The following CPQ variants were observed in gnomAD, a reference collection of about 807,000 sequenced individuals.
The protein encoded by CPQ is Ser-Met dipeptidase.
Under a neutral mutation model 45.7 loss-of-function variants are expected in CPQ, and 37 were observed. The observed-to-expected ratio is 0.81, with a 90% CI of 0.62 to 1.07. The LOEUF (loss-of-function observed/expected upper bound fraction) is 1.07, where lower values mean the gene tolerates loss of function less well. Among genes scored for constraint, CPQ ranks in the 50% least tolerant of loss-of-function variants. CPQ has a pLI of 0.00. For missense variants in CPQ, 537 were observed against 572.9 expected, an observed-to-expected ratio of 0.94 and a Z score of 0.64; for synonymous variants, 186 against 205.8, an observed-to-expected ratio of 0.90 and a Z score of 0.82.
At chr8:96,957,654 C>A (rs1813377101) in intron 4 of CPQ, among the ~76,000 whole-genome samples, 1 of 151,906 alleles carries the variant, frequency 6.6e-6, no homozygotes, top group Non-Finnish European at 1.5e-5. Flanking sequence ...CAAAAATTAG[C>A]CAGGCCTGGT....
At chr8:96,806,165 T>A (rs1043591793) in intron 2 of CPQ, among the ~76,000 whole-genome samples, 11 of 152,168 alleles carry the variant, frequency 7.2e-5, no homozygotes, top group Non-Finnish European at 1.6e-4. Context: ...TGGTGGGCAA[T>A]ATAGGTTTGG....
At chr8:96,695,467 G>T (rs1379670456) in intron 1 of CPQ, among the ~76,000 whole-genome samples, 3 of 151,550 alleles carry the variant, frequency 2.0e-5, no homozygotes, top group Admixed American at 6.6e-5. Context: ...AAGAGCTTCT[G>T]CACAGCAAAA....
At chr8:96,693,258 G>A (rs112374645) in intron 1 of CPQ, among the ~76,000 whole-genome samples, 3,686 of 151,986 alleles carry the variant, frequency 0.024, 164 homozygotes, top group African/African-American at 0.084. Context: ...GGGTAGGGAG[G>A]GGGGAGAGAG....
At chr8:97,023,333 G>T (rs1005004183) in intron 5 of CPQ, among the ~76,000 whole-genome samples, 3 of 151,990 alleles carry the variant, frequency 2.0e-5, no homozygotes, top group Non-Finnish European at 2.9e-5. Context: ...GGGAAAGGGT[G>T]GGAAGGAGTT....
intron 1 of CPQ, among the ~76,000 whole-genome samples, chr8:96,709,367 A>T (rs1809577986): frequency 6.6e-6 from 1 of 151,892 alleles, no homozygotes; most frequent in Non-Finnish European, 1.5e-5. Flanking sequence ...TCTATTCCTG[A>T]GTTACTTTAC....
chr8:96,945,856 C>T (rs897771558), intron 4 of CPQ, among the ~76,000 whole-genome samples: 4 of 152,180 alleles, frequency 2.6e-5, no homozygotes, highest in Admixed American at 6.5e-5. Flanking sequence ...GTTCTCCACA[C>T]TATTAGTTTG....
chr8:96,771,102 T>A lies in CPQ; in HGVS notation c.-34-13762T>A, dbSNP rs113234920. On this transcript the variant is annotated intron_variant, in intron 1 of 7. Coordinates refer to ENST00000220763, the MANE Select transcript of CPQ (RefSeq NM_016134.4). Reference sequence around the variant, plus strand: ...GCAATATATATATATTATATATATATAAATATATATATTTATATATTTTAA... The same window carrying A: ...GCAATATATATATATTATATATATAAAAATATATATATTTATATATTTTAA... Among the ~76,000 whole-genome samples, 1,379 of 144,126 alleles carry A rather than the reference T, an allele frequency of 9.6e-3. 22 individuals carry two copies. The highest frequency in any genetic ancestry group is 0.033 in the African/African-American group (1,297 of 38,956). The allele number at this position is 144,126 out of a possible 152,430, so 94.6% of individuals were successfully genotyped here.
At chr8:96,741,310 G>A (rs538357132) in intron 1 of CPQ, among the ~76,000 whole-genome samples, 35 of 152,132 alleles carry the variant, frequency 2.3e-4, no homozygotes, top group African/African-American at 7.9e-4. Flanking sequence ...TCTGTGGGAT[G>A]GGTGGTGATA....
At chr8:97,042,173 G>T (rs1377523713) in intron 6 of CPQ, among the ~76,000 whole-genome samples, 8 of 152,180 alleles carry the variant, frequency 5.3e-5, no homozygotes, top group Non-Finnish European at 1.2e-4. Flanking sequence ...GCCTGTTATT[G>T]GTCTATTCAG....
intron 1 of CPQ, among the ~76,000 whole-genome samples, chr8:96,658,344 T>C (rs1005772669): frequency 5.9e-5 from 9 of 152,246 alleles, no homozygotes; most frequent in African/African-American, 2.2e-4. Context: ...GGCTTTGAAG[T>C]CATTGTCCTG....
intron 3 of CPQ, among the ~76,000 whole-genome samples, chr8:96,846,314 G>A (rs896990256): frequency 1.3e-5 from 2 of 152,022 alleles, no homozygotes; most frequent in South Asian, 4.1e-4. Flanking sequence ...CCAGGCTTTT[G>A]CCCATCTATA....
chr8:96,860,385 C>T (rs1271246239), intron 3 of CPQ, among the ~76,000 whole-genome samples: 1 of 152,108 alleles, frequency 6.6e-6, no homozygotes, highest in African/African-American at 2.4e-5. Flanking sequence ...GGCTTCAAAG[C>T]TGTGAGGTTC....
At chr8:96,803,939 C>G (rs1047189549) in intron 2 of CPQ, among the ~76,000 whole-genome samples, 3 of 152,052 alleles carry the variant, frequency 2.0e-5, no homozygotes, top group Non-Finnish European at 2.9e-5. Context: ...GTGCCCAGGT[C>G]AAGGTGATGA....
chr8:97,023,579 T>G (rs956862999), intron 5 of CPQ, among the ~76,000 whole-genome samples: 1 of 152,224 alleles, frequency 6.6e-6, no homozygotes, highest in African/African-American at 2.4e-5. Context: ...ATGTTTCTGC[T>G]TCACCAATGA....
chr8:96,882,902 G>A (rs1252984701), intron 4 of CPQ, among the ~76,000 whole-genome samples: 1 of 152,258 alleles, frequency 6.6e-6, no homozygotes, highest in Middle Eastern at 3.4e-3. Flanking sequence ...ACCACCCAAA[G>A]TTTCCCTTGA....
chr8:96,844,063 G>A (rs1412694428), intron 3 of CPQ, among the ~76,000 whole-genome samples: 8 of 152,052 alleles, frequency 5.3e-5, no homozygotes, highest in Admixed American at 1.3e-4. Flanking sequence ...TTTATCAAAA[G>A]CACAGCTCAA....
intron 4 of CPQ, among the ~76,000 whole-genome samples, chr8:96,883,634 A>G (rs990360651): frequency 1.3e-5 from 2 of 152,206 alleles, no homozygotes; most frequent in Admixed American, 6.5e-5. Context: ...CAGGGGACAT[A>G]CAGACTATGA....
At chr8:97,071,215 A>G (rs1810736413) in intron 7 of CPQ, among the ~76,000 whole-genome samples, 1 of 152,220 alleles carries the variant, frequency 6.6e-6, no homozygotes, top group African/African-American at 2.4e-5. Flanking sequence ...GTAGGCAAAC[A>G]GTGTAATTTT....
intron 7 of CPQ, among the ~76,000 whole-genome samples, chr8:97,119,461 T>TG (rs1160648720): frequency 2.0e-5 from 3 of 147,854 alleles, no homozygotes; most frequent in African/African-American, 5.0e-5. Context: ...AAAAAAATGG[T>TG]GGGGGGGAAT....
Sources: allele counts gnomAD v4.1 joint callset (sites outside exome capture counted in the v4.1 genomes callset), GRCh38; gene constraint gnomAD v4.1.1; transcripts MANE v1.5; gene names NCBI Gene and HGNC (gene_info 2026-07-23, HGNC 2026-07-21).